The following DIS3L2 variants were observed in gnomAD, a reference collection of about 807,000 sequenced individuals.
The protein encoded by DIS3L2 is DIS3-like exonuclease 2.
DIS3L2 carries 34 observed loss-of-function variants against 97.5 expected under a neutral mutation model. The observed-to-expected ratio is 0.35, with a 90% CI of 0.27 to 0.46. The LOEUF (loss-of-function observed/expected upper bound fraction) is 0.46. DIS3L2 is among the 20% of genes least tolerant of loss of function. The probability of loss-of-function intolerance (pLI) is 1.00; values close to 1 mark genes in which losing one functional copy is unlikely to be tolerated. For synonymous variants in DIS3L2, 435 were observed against 445.2 expected, an observed-to-expected ratio of 0.98 and a Z score of 0.29; for missense variants, 1,038 against 1,146.0, an observed-to-expected ratio of 0.91 and a Z score of 1.36.
intron 14 of DIS3L2, among the ~76,000 whole-genome samples, chr2:232,302,769 G>A (rs950490218): frequency 6.6e-6 from 1 of 151,708 alleles, no homozygotes; most frequent in Non-Finnish European, 1.5e-5. Context: ...CCATATTGGC[G>A]AGGCTGGTCT....
intron 17 of DIS3L2, 114 bp downstream of exon 17, chr2:232,334,101 G>T (rs1306695182): frequency 1.4e-6 from 2 of 1,458,352 alleles, no homozygotes; most frequent in Admixed American, 2.5e-5. Context: ...AGGTCCAAGG[G>T]TCGGGCGACC....
intron 10 of DIS3L2, among the ~76,000 whole-genome samples, chr2:232,211,953 A>G (rs1263043130): frequency 6.6e-6 from 1 of 152,170 alleles, no homozygotes; most frequent in African/African-American, 2.4e-5. Context: ...AAGCTCAAGC[A>G]GTCTTCCTGC....
At chr2:232,171,461 G>A (rs1208966037) in intron 9 of DIS3L2, among the ~76,000 whole-genome samples, 2 of 152,056 alleles carry the variant, frequency 1.3e-5, no homozygotes, top group East Asian at 1.9e-4. Context: ...AAAGAAAATG[G>A]TATCCCATCA....
At chr2:232,274,713 A>G (rs148746432) in intron 13 of DIS3L2, among the ~76,000 whole-genome samples, 48 of 152,372 alleles carry the variant, frequency 3.2e-4, no homozygotes, top group Middle Eastern at 3.4e-3. Flanking sequence ...TGTTTTGAAG[A>G]CAAGATATAA....
intron 1 of DIS3L2, among the ~76,000 whole-genome samples, chr2:231,985,291 T>G (rs1693379319): frequency 6.6e-6 from 1 of 152,226 alleles, no homozygotes. Context: ...ACTCTATAAT[T>G]TTGTCATTTC....
At chr2:232,197,623 A>G (rs1031433742) in intron 9 of DIS3L2, among the ~76,000 whole-genome samples, 29 of 152,282 alleles carry the variant, frequency 1.9e-4, no homozygotes, top group African/African-American at 6.5e-4. Flanking sequence ...GATTTGGGAT[A>G]AGTTATTACT....
intron 5 of DIS3L2, among the ~76,000 whole-genome samples, chr2:232,058,732 G>T (rs893542697): frequency 6.6e-6 from 1 of 152,022 alleles, no homozygotes; most frequent in Non-Finnish European, 1.5e-5. Context: ...CACAGAACTG[G>T]ACTCTGTATA....
chr2:232,235,243 A>C (rs1453587235), intron 10 of DIS3L2, among the ~76,000 whole-genome samples: 1 of 152,222 alleles, frequency 6.6e-6, no homozygotes, highest in East Asian at 1.9e-4. Context: ...AAATATTTTA[A>C]AAGAATGCTT....
intron 14 of DIS3L2, among the ~76,000 whole-genome samples, chr2:232,300,986 TGTGAGACA>T (rs1694840401): frequency 6.6e-6 from 1 of 152,230 alleles, no homozygotes; most frequent in African/African-American, 2.4e-5. Context: ...TATTTTCGTT[TGTGAGACA>T]GTGAAAGTGG....
chr2:232,239,774 T>C (rs2106253796), intron 11 of DIS3L2, among the ~76,000 whole-genome samples: 1 of 152,372 alleles, frequency 6.6e-6, no homozygotes, highest in Non-Finnish European at 1.5e-5. Flanking sequence ...GTATTGGCAC[T>C]TCTGGAGCAA....
chr2:232,230,882 G>A (rs986364066), intron 10 of DIS3L2, among the ~76,000 whole-genome samples: 3 of 152,082 alleles, frequency 2.0e-5, no homozygotes, highest in African/African-American at 7.2e-5. Flanking sequence ...TCCAGCCACA[G>A]CTGTGTCCCT....
At chr2:232,080,079 A>G (rs888107214) in intron 5 of DIS3L2, among the ~76,000 whole-genome samples, 1 of 152,374 alleles carries the variant, frequency 6.6e-6, no homozygotes, top group African/African-American at 2.4e-5. Context: ...CAGCGTGGCA[A>G]TAAAGGTTGT....
chr2:232,212,798 G>C (rs1005954458), intron 10 of DIS3L2, among the ~76,000 whole-genome samples: 30 of 152,112 alleles, frequency 2.0e-4, no homozygotes, highest in African/African-American at 6.8e-4. Flanking sequence ...TCAATAGGGG[G>C]GGTTGGAGTG....
chr2:232,156,945 G>A (rs1420334163), intron 8 of DIS3L2, among the ~76,000 whole-genome samples: 2 of 152,182 alleles, frequency 1.3e-5, no homozygotes, highest in Non-Finnish European at 2.9e-5. Context: ...AGAATCAGAA[G>A]AAACTGTGTT....
At chr2:232,021,827 G>A (rs1694524408) in intron 3 of DIS3L2, among the ~76,000 whole-genome samples, 1 of 152,254 alleles carries the variant, frequency 6.6e-6, no homozygotes. Flanking sequence ...TGAGATACAT[G>A]GGTTATGAGA....
Position 231,988,628 on chromosome 2 carries a change from C to T in DIS3L2, c.-93-26207C>T, listed in dbSNP as rs571760762. 1.5e-4 allele frequency among the ~76,000 whole-genome samples: 23 copies of T among 152,204 alleles called. No individual in the cohort carries two copies. In the South Asian group the frequency reaches 3.1e-3, roughly 21 times the overall value. The stretch of plus-strand genomic sequence containing the variant: ...TACAGGAGTGTTCTCCAAGACATGA[C>T]GTGGATCTTGTGTGTAGGCAGGAAG... On this transcript the variant is annotated intron_variant, in intron 1 of 20. Transcript: ENST00000325385.
intron 9 of DIS3L2, among the ~76,000 whole-genome samples, chr2:232,193,198 A>T (rs1004267103): frequency 2.6e-5 from 4 of 152,204 alleles, no homozygotes; most frequent in Admixed American, 6.5e-5. Flanking sequence ...GGGTGAGTGA[A>T]TGTAAGGACA....
At chr2:232,265,317 T>G (rs1693825561) in intron 13 of DIS3L2, among the ~76,000 whole-genome samples, 1 of 152,232 alleles carries the variant, frequency 6.6e-6, no homozygotes, top group African/African-American at 2.4e-5. Flanking sequence ...CTTTGTTCTT[T>G]CTGTATCCAT....
intron 5 of DIS3L2, among the ~76,000 whole-genome samples, chr2:232,034,003 C>T (rs975585869): frequency 6.6e-6 from 1 of 152,060 alleles, no homozygotes; most frequent in Non-Finnish European, 1.5e-5. Context: ...GGGGAGGAGT[C>T]TCTCTTTTTC....
Sources: gnomAD v4.1 joint callset for allele counts (sites outside exome capture counted in the v4.1 genomes callset) on GRCh38, gnomAD v4.1.1 for gene constraint, MANE v1.5 for transcripts, NCBI Gene and HGNC (gene_info 2026-07-23, HGNC 2026-07-21) for gene names.